Variants in SLC35D4 observed in about 807,000 individuals in gnomAD.
SLC35D4 encodes UDP-N-acetylglucosamine transporter SLC35D4.
the SLC35D4 span, among the ~76,000 whole-genome samples, chr18:23,347,399 ATC>A: frequency 1.0e-3 from 150 of 149,006 alleles, 3 homozygotes; most frequent in Admixed American, 9.4e-3. Flanking sequence ...GATAATTTGC[ATC>A]TCTCTCTCTC....
At chr18:23,345,977 T>C in the SLC35D4 span, among the ~76,000 whole-genome samples, 4 of 152,108 alleles carry the variant, frequency 2.6e-5, no homozygotes, top group Admixed American at 1.3e-4. Flanking sequence ...ATTACTAATA[T>C]ATAAAACTTT....
chr18:23,293,645 GTGGGCAGAAAGAGGAGTCTGGATC>G, the SLC35D4 span, among the ~76,000 whole-genome samples: 2 of 152,214 alleles, frequency 1.3e-5, no homozygotes, highest in African/African-American at 4.8e-5. Flanking sequence ...TGGTCTGGAT[GTGGGCAGAAAGAGGAGTCTGGATC>G]TGGGTTAAAG....
the SLC35D4 span, chr18:23,371,402 A>G: frequency 6.4e-7 from 1 of 1,557,866 alleles, no homozygotes; most frequent in Non-Finnish European, 8.7e-7. Context: ...GCCTTACATA[A>G]TAATTCTTTT....
the SLC35D4 span, among the ~76,000 whole-genome samples, chr18:23,337,248 C>T: frequency 2.0e-5 from 3 of 151,992 alleles, no homozygotes; most frequent in Admixed American, 6.6e-5. Flanking sequence ...CCGAGGCAGG[C>T]GGATCACAAG....
the SLC35D4 span, among the ~76,000 whole-genome samples, chr18:23,275,951 G>A: frequency 5.3e-5 from 8 of 152,310 alleles, 1 homozygote; most frequent in Admixed American, 4.6e-4. Context: ...AGGAAGGAAC[G>A]GGGAGTTAGT....
chr18:23,248,263 TTCTC>T, the SLC35D4 span, among the ~76,000 whole-genome samples: 1 of 152,168 alleles, frequency 6.6e-6, no homozygotes, highest in African/African-American at 2.4e-5. Flanking sequence ...CAGAAGCTCT[TTCTC>T]TGTCCCCGCC....
chr18:23,242,359 ACC>A, the SLC35D4 span, among the ~76,000 whole-genome samples: 1 of 152,138 alleles, frequency 6.6e-6, no homozygotes, highest in Non-Finnish European at 1.5e-5. Flanking sequence ...CTAGAAGGTG[ACC>A]ACAGAACAGA....
At chr18:23,284,468 A>C in the SLC35D4 span, among the ~76,000 whole-genome samples, 1 of 152,120 alleles carries the variant, frequency 6.6e-6, no homozygotes, top group Non-Finnish European at 1.5e-5. Flanking sequence ...AAATCTTTGA[A>C]TCTACCTATG....
chr18:23,332,095 A>C, the SLC35D4 span, among the ~76,000 whole-genome samples: 1 of 151,104 alleles, frequency 6.6e-6, no homozygotes, highest in African/African-American at 2.4e-5. Flanking sequence ...AGGTTTCACT[A>C]TGTTGCCTAG....
chr18:23,334,138 T>A, the SLC35D4 span, among the ~76,000 whole-genome samples: 1 of 152,202 alleles, frequency 6.6e-6, no homozygotes, highest in African/African-American at 2.4e-5. Flanking sequence ...GGGCATTTGA[T>A]ATATCAAATA....
chr18:23,370,340 T>C, the SLC35D4 span: 3 of 1,458,796 alleles, frequency 2.1e-6, no homozygotes, highest in Admixed American at 2.0e-5. Context: ...ACACACAAAA[T>C]CCACATGGAT....
chr18:23,258,814 C>T, the SLC35D4 span: 2 of 152,164 alleles, frequency 1.3e-5, no homozygotes, highest in Admixed American at 6.5e-5. Context: ...CTGCAGCTTT[C>T]GTTAGCAGAG....
At chr18:23,286,648 A>G in the SLC35D4 span, among the ~76,000 whole-genome samples, 1 of 151,944 alleles carries the variant, frequency 6.6e-6, no homozygotes, top group African/African-American at 2.4e-5. Flanking sequence ...TACCCACTCC[A>G]CGTTACCTTC....
chr18:23,357,126 A>G, the SLC35D4 span, among the ~76,000 whole-genome samples: 5 of 152,172 alleles, frequency 3.3e-5, no homozygotes, highest in African/African-American at 4.8e-5. Flanking sequence ...GGATAAAAGA[A>G]TCTTTTTCAA....
the SLC35D4 span, among the ~76,000 whole-genome samples, chr18:23,254,668 G>T: frequency 6.6e-6 from 1 of 152,196 alleles, no homozygotes; most frequent in Non-Finnish European, 1.5e-5. Context: ...TTCAGTTCTG[G>T]TGAGGTTCCT....
the SLC35D4 span, among the ~76,000 whole-genome samples, chr18:23,332,873 T>C: frequency 6.6e-6 from 1 of 152,138 alleles, no homozygotes; most frequent in Admixed American, 6.5e-5. Flanking sequence ...GACACATAAA[T>C]AAGTTATTTG....
the SLC35D4 span, among the ~76,000 whole-genome samples, chr18:23,366,545 T>A: frequency 6.6e-6 from 1 of 152,238 alleles, no homozygotes; most frequent in Non-Finnish European, 1.5e-5. Context: ...ATCTCTGAGG[T>A]GCAGGCAATC....
At chr18:23,358,864 T>C in the SLC35D4 span, among the ~76,000 whole-genome samples, 2 of 152,198 alleles carry the variant, frequency 1.3e-5, no homozygotes, top group Admixed American at 6.5e-5. Flanking sequence ...GCCTTCCACC[T>C]GGCTTCTCTT....
chr18:23,419,010 A>G, the SLC35D4 span, among the ~76,000 whole-genome samples: 1 of 152,024 alleles, frequency 6.6e-6, no homozygotes, highest in African/African-American at 2.4e-5. Flanking sequence ...TCTGTCTCAA[A>G]AACCAAAAAA....
Sources: allele counts gnomAD v4.1 joint callset (sites outside exome capture counted in the v4.1 genomes callset), GRCh38; gene constraint gnomAD v4.1.1; transcripts MANE v1.5; gene names NCBI Gene and HGNC (gene_info 2026-07-23, HGNC 2026-07-21).